TPP2: variants seen among roughly 807,000 people sequenced by gnomAD.
TPP2 encodes the protein tripeptidyl-peptidase 2.
A neutral mutation model predicts 155.9 loss-of-function variants in TPP2; 34 were observed. The observed-to-expected ratio is 0.22, with a 90% CI of 0.17 to 0.29. The LOEUF (loss-of-function observed/expected upper bound fraction) is 0.29, where lower values mean the gene tolerates loss of function less well. Among genes scored for constraint, TPP2 ranks in the 10% least tolerant of loss-of-function variants. The pLI is 1.00. For synonymous variants in TPP2, 510 were observed against 529.4 expected, an observed-to-expected ratio of 0.96 and a Z score of 0.50; for missense variants, 1,028 against 1,522.3, an observed-to-expected ratio of 0.68 and a Z score of 5.40.
chr13:102,640,946 G>A (rs73581154), intron 16 of TPP2, among the ~76,000 whole-genome samples: 16,182 of 152,068 alleles, frequency 0.11, 1,353 homozygotes, highest in African/African-American at 0.24. Context: ...AACTGTGCCC[G>A]GCCTAATTTT....
chr13:102,624,055 T>C (rs927856869), intron 6 of TPP2, among the ~76,000 whole-genome samples: 1 of 152,228 alleles, frequency 6.6e-6, no homozygotes, highest in South Asian at 2.1e-4. Context: ...ATGTATTATA[T>C]AGCAATCAAA....
chr13:102,669,518 G>A (rs573992273), intron 27 of TPP2, among the ~76,000 whole-genome samples: 3 of 152,176 alleles, frequency 2.0e-5, no homozygotes, highest in Non-Finnish European at 4.4e-5. Context: ...GTGAGAATTG[G>A]TATCAACGGA....
intron 27 of TPP2, among the ~76,000 whole-genome samples, chr13:102,670,009 G>A (rs780708188): frequency 2.0e-5 from 3 of 152,140 alleles, no homozygotes; most frequent in African/African-American, 4.8e-5. Flanking sequence ...TGGCTGAGCA[G>A]GAAAGGTCTC....
chr13:102,631,692 A>G (rs1445083251), intron 10 of TPP2, among the ~76,000 whole-genome samples: 1 of 152,252 alleles, frequency 6.6e-6, no homozygotes, highest in East Asian at 1.9e-4. Context: ...GCTTGGATTA[A>G]AGTAGATACT....
intron 2 of TPP2, among the ~76,000 whole-genome samples, chr13:102,607,126 G>A (rs965007560): frequency 6.6e-6 from 1 of 152,168 alleles, no homozygotes; most frequent in Admixed American, 6.5e-5. Context: ...AACCATGCTG[G>A]CACCCTGATG....
At chr13:102,623,256 T>A (rs542205303) in intron 6 of TPP2, among the ~76,000 whole-genome samples, 1 of 152,156 alleles carries the variant, frequency 6.6e-6, no homozygotes, top group East Asian at 1.9e-4. Flanking sequence ...TAAAAGCATG[T>A]TCCAACATCA....
intron 16 of TPP2, among the ~76,000 whole-genome samples, chr13:102,641,433 A>G (rs1035779058): frequency 2.2e-4 from 33 of 152,248 alleles, no homozygotes; most frequent in Admixed American, 1.3e-4. Context: ...CCTATAAGGT[A>G]GATAGGTGTC....
chr13:102,644,705 T>C, intron 18 of TPP2, 32 bp downstream of exon 18: 5 of 1,556,632 alleles, frequency 3.2e-6, no homozygotes, highest in Non-Finnish European at 4.4e-6. Context: ...TGATTTTTAA[T>C]GTCAGTTACT....
At chr13:102,624,015 G>C (rs1881366395) in intron 6 of TPP2, among the ~76,000 whole-genome samples, 1 of 152,082 alleles carries the variant, frequency 6.6e-6, no homozygotes, top group South Asian at 2.1e-4. Flanking sequence ...GCATGTAGTT[G>C]GTGCGGAACC....
intron 25 of TPP2, among the ~76,000 whole-genome samples, chr13:102,660,626 C>T (rs755553845): frequency 5.9e-5 from 9 of 152,152 alleles, no homozygotes; most frequent in Non-Finnish European, 1.3e-4. Flanking sequence ...AATTAACAAG[C>T]TGATTCTAAA....
Position 102,648,764 on chromosome 13 carries a change from C to T in TPP2, c.2629-143C>T, listed in dbSNP as rs370807331. On this transcript the variant is annotated intron_variant, in intron 21 of 29. Coordinates refer to ENST00000376052, the MANE Select transcript of TPP2 (RefSeq NM_001330588.2). ...CTAGGGACTTTATGTGTTATATGAA[C>T]GTCTGGATAGTTAGTTCCTTGCACT... 2.3e-5 allele frequency: 26 copies of T among 1,117,202 alleles called. No individual in the cohort carries two copies. In the African/African-American group the frequency reaches 3.2e-4, roughly 14 times the overall value. The allele number at this position is 1,117,202 out of a possible 1,614,324, so 69.2% of individuals were successfully genotyped here. A position where few individuals can be genotyped will look rare whatever the true frequency, so the allele number is the denominator to read the frequency against.
intron 27 of TPP2, 126 bp downstream of exon 27, chr13:102,665,051 T>C (rs1052327249): frequency 2.5e-6 from 3 of 1,205,160 alleles, no homozygotes; most frequent in Admixed American, 5.3e-5. Context: ...ATGGGAATTA[T>C]CACTATTTGG....
intron 11 of TPP2, 37 bp from the exon 12 acceptor site, chr13:102,635,546 TAGTG>T (rs745798160): frequency 4.7e-6 from 7 of 1,480,442 alleles, no homozygotes; most frequent in Middle Eastern, 1.7e-4. Flanking sequence ...AGGTTTCAGA[TAGTG>T]AGTGCTACAC....
At chr13:102,626,970 C>T (rs373368955) in intron 6 of TPP2, 42 bp from the exon 7 acceptor site, 8 of 1,459,818 alleles carry the variant, frequency 5.5e-6, no homozygotes, top group Non-Finnish European at 7.3e-6. Context: ...AACTTTCAGT[C>T]CATGAGAATG....
chr13:102,652,435 T>C (rs201227930), intron 24 of TPP2, among the ~76,000 whole-genome samples: 34 of 22,132 alleles, frequency 1.5e-3, no homozygotes, highest in South Asian at 0.012. Flanking sequence ...TATATATATA[T>C]ATATATATAT....
chr13:102,611,831 T>A (rs1880351779), intron 2 of TPP2, among the ~76,000 whole-genome samples: 1 of 152,196 alleles, frequency 6.6e-6, no homozygotes, highest in Non-Finnish European at 1.5e-5. Flanking sequence ...GAGTTCTGTT[T>A]CCTTTTTTCT....
At chr13:102,629,740 A>G in intron 9 of TPP2, 131 bp downstream of exon 9, 1 of 1,264,704 alleles carries the variant, frequency 7.9e-7, no homozygotes, top group Non-Finnish European at 1.0e-6. Context: ...CAGGAAACTT[A>G]TAGTCTGGTA....
chr13:102,629,676 A>C, intron 9 of TPP2, 67 bp downstream of exon 9: 1 of 1,515,536 alleles, frequency 6.6e-7, no homozygotes, highest in East Asian at 2.5e-5. Context: ...AGTTAATGAA[A>C]TGTTACCTGT....
At chr13:102,663,337 G>A (rs191369799) in intron 25 of TPP2, among the ~76,000 whole-genome samples, 47 of 152,070 alleles carry the variant, frequency 3.1e-4, no homozygotes, top group Middle Eastern at 3.4e-3. Context: ...TAGTAGAGAC[G>A]GGGTTTCACC....
Sources: gnomAD v4.1 joint callset for allele counts (sites outside exome capture counted in the v4.1 genomes callset) on GRCh38, gnomAD v4.1.1 for gene constraint, MANE v1.5 for transcripts, NCBI Gene and HGNC (gene_info 2026-07-23, HGNC 2026-07-21) for gene names.